PLXNA4: variants seen among roughly 807,000 people sequenced by gnomAD.
PLXNA4 encodes plexin-A4.
PLXNA4 carries 44 observed loss-of-function variants against 191.8 expected under a neutral mutation model. The observed-to-expected ratio is 0.23, with a 90% CI of 0.18 to 0.29. PLXNA4 has a LOEUF of 0.29. Among genes scored for constraint, PLXNA4 ranks in the 10% least tolerant of loss-of-function variants. The pLI, the probability that PLXNA4 is intolerant of heterozygous loss-of-function variation, is 1.00. For missense variants in PLXNA4, 1,800 were observed against 2,488.8 expected, an observed-to-expected ratio of 0.72 and a Z score of 5.89; for synonymous variants, 1,082 against 1,009.5, an observed-to-expected ratio of 1.07 and a Z score of -1.36.
chr7:132,132,335 G>T (rs1176190011), intron 31 of PLXNA4, among the ~76,000 whole-genome samples: 1 of 151,488 alleles, frequency 6.6e-6, no homozygotes, highest in Non-Finnish European at 1.5e-5. Context: ...AATGACCCCA[G>T]GTGGGATTTT....
In PLXNA4 at chr7:132,130,359, C is replaced by T. The variant is rs10954359; in HGVS notation, c.*120G>A. On this transcript the variant is annotated 3_prime_UTR_variant, in exon 32 of 32. Transcript: ENST00000321063. ...AGAGGCAGAGAGAAAGAGAGAGAAACAGCGCTGCTCAGGGGATGCTGCTGA... is the reference window on the plus strand; with the variant it reads ...AGAGGCAGAGAGAAAGAGAGAGAAATAGCGCTGCTCAGGGGATGCTGCTGA... 0.68 allele frequency: 912,034 copies of T among 1,344,672 alleles called. 320,856 individuals are homozygous for T. The highest frequency in any genetic ancestry group is 0.81 in the East Asian group (34,666 of 42,612). The allele number at this position is 1,344,672 out of a possible 1,614,324, so 83.3% of individuals were successfully genotyped here. A position where few individuals can be genotyped will look rare whatever the true frequency, so the allele number is the denominator to read the frequency against.
At chr7:132,242,128 C>T (rs1056037259) in intron 4 of PLXNA4, among the ~76,000 whole-genome samples, 1 of 150,194 alleles carries the variant, frequency 6.7e-6, no homozygotes, top group Non-Finnish European at 1.5e-5. Context: ...TCCGTTTTGC[C>T]GGTTTTTTTC....
At chr7:132,287,354 C>T (rs1275950701) in intron 4 of PLXNA4, among the ~76,000 whole-genome samples, 4 of 152,202 alleles carry the variant, frequency 2.6e-5, no homozygotes, top group African/African-American at 7.2e-5. Flanking sequence ...ATAATGATGA[C>T]AGCAACCACA....
At chr7:132,470,228 G>T (rs1030069124) in intron 3 of PLXNA4, among the ~76,000 whole-genome samples, 2 of 152,218 alleles carry the variant, frequency 1.3e-5, no homozygotes, top group Non-Finnish European at 2.9e-5. Context: ...GCTGACAGTT[G>T]TCTTGACCAG....
At chr7:132,203,280 T>A in intron 11 of PLXNA4, 43 bp downstream of exon 11, 1 of 1,532,948 alleles carries the variant, frequency 6.5e-7, no homozygotes, top group Non-Finnish European at 9.0e-7. Context: ...CTCTACCCCA[T>A]CCCTTCCCCT....
chr7:132,165,237 CAAAG>C (rs1307532395), intron 22 of PLXNA4, 37 bp from the exon 23 acceptor site: 6 of 1,600,826 alleles, frequency 3.7e-6, no homozygotes, highest in African/African-American at 2.7e-5. Context: ...CGGAACAAGA[CAAAG>C]AAAGAAGCAG....
intron 3 of PLXNA4, among the ~76,000 whole-genome samples, chr7:132,448,157 G>A (rs1241683500): frequency 2.6e-5 from 4 of 152,206 alleles, no homozygotes; most frequent in Admixed American, 6.5e-5. Flanking sequence ...CATTCCCAGT[G>A]GGTACTGACC....
At chr7:132,451,792 C>A (rs369270069) in intron 3 of PLXNA4, among the ~76,000 whole-genome samples, 3 of 152,370 alleles carry the variant, frequency 2.0e-5, no homozygotes, top group East Asian at 3.9e-4. Flanking sequence ...TAAGCTACCC[C>A]AGTGGCCCAG....
chr7:132,399,045 C>T (rs188686580), intron 3 of PLXNA4, among the ~76,000 whole-genome samples: 70 of 152,292 alleles, frequency 4.6e-4, no homozygotes, highest in Non-Finnish European at 2.9e-5. Flanking sequence ...TTTTAGAATC[C>T]TGGGCATCCC....
chr7:132,167,048 C>T (rs1796143940), intron 22 of PLXNA4, among the ~76,000 whole-genome samples: 1 of 152,150 alleles, frequency 6.6e-6, no homozygotes. Flanking sequence ...GGGGGACAGG[C>T]AGACAGCAGG....
chr7:132,277,148 C>A (rs529265499), intron 4 of PLXNA4, among the ~76,000 whole-genome samples: 1 of 152,108 alleles, frequency 6.6e-6, no homozygotes, highest in East Asian at 1.9e-4. Context: ...TCCAGAAACA[C>A]GGGGTTGCTT....
At chr7:132,175,733 C>A (rs1007633712) in intron 20 of PLXNA4, among the ~76,000 whole-genome samples, 4 of 152,202 alleles carry the variant, frequency 2.6e-5, no homozygotes, top group Non-Finnish European at 5.9e-5. Flanking sequence ...CCACCCTCTG[C>A]CACAGGGGTA....
At chr7:132,263,848 T>C (rs1204645914) in intron 4 of PLXNA4, among the ~76,000 whole-genome samples, 1 of 152,114 alleles carries the variant, frequency 6.6e-6, no homozygotes, top group East Asian at 1.9e-4. Flanking sequence ...GTGTGGAAAA[T>C]CGCTTGGGAA....
chr7:132,316,647 C>G (rs1479337062), intron 3 of PLXNA4, among the ~76,000 whole-genome samples: 2 of 152,152 alleles, frequency 1.3e-5, no homozygotes, highest in East Asian at 3.9e-4. Context: ...GGCCATAGCT[C>G]CCCAGCAGAT....
chr7:132,420,555 A>G (rs533577015), intron 3 of PLXNA4, among the ~76,000 whole-genome samples: 7 of 152,324 alleles, frequency 4.6e-5, no homozygotes, highest in Admixed American at 2.6e-4. Flanking sequence ...GCCTTTAAGC[A>G]CCTGAATAGG....
intron 4 of PLXNA4, 90 bp downstream of exon 4, chr7:132,298,001 C>T: frequency 6.6e-7 from 1 of 1,520,232 alleles, no homozygotes; most frequent in Non-Finnish European, 9.1e-7. Context: ...CAAATCACCT[C>T]TCTGCAGCTG....
chr7:132,452,745 T>C (rs1470377892), intron 3 of PLXNA4, among the ~76,000 whole-genome samples: 2 of 152,196 alleles, frequency 1.3e-5, no homozygotes, highest in African/African-American at 4.8e-5. Context: ...GGGTTGGACA[T>C]GAGCATCAGT....
chr7:132,454,730 C>G (rs969604222), intron 3 of PLXNA4, among the ~76,000 whole-genome samples: 1 of 151,728 alleles, frequency 6.6e-6, no homozygotes, highest in Non-Finnish European at 1.5e-5. Flanking sequence ...ATTTGGACAC[C>G]AGTAGGTACA....
chr7:132,372,035 T>A (rs566083072), intron 3 of PLXNA4, among the ~76,000 whole-genome samples: 1 of 152,314 alleles, frequency 6.6e-6, no homozygotes, highest in Admixed American at 6.5e-5. Context: ...CCTGCATTAT[T>A]TTTGTCCCAG....
Sources: allele counts gnomAD v4.1 joint callset (sites outside exome capture counted in the v4.1 genomes callset), GRCh38; gene constraint gnomAD v4.1.1; transcripts MANE v1.5; gene names NCBI Gene and HGNC (gene_info 2026-07-23, HGNC 2026-07-21).